The following RBFOX1 variants were observed in gnomAD, a reference collection of about 807,000 sequenced individuals.
RBFOX1 encodes RNA binding fox-1 homolog 1, also known as RNA binding protein fox-1 homolog 1.
A neutral mutation model predicts 57.7 loss-of-function variants in RBFOX1; 8 were observed. The observed-to-expected ratio is 0.14, with a 90% confidence interval of 0.08 to 0.25. The LOEUF (loss-of-function observed/expected upper bound fraction) is 0.25. Ranked by LOEUF, RBFOX1 falls within the 10% of genes least tolerant of loss-of-function variation. RBFOX1 has a pLI of 1.00. For synonymous variants in RBFOX1, 326 were observed against 222.4 expected, an observed-to-expected ratio of 1.47 and a Z score of -4.15; for missense variants, 611 against 548.5, an observed-to-expected ratio of 1.11 and a Z score of -1.14.
intron 2 of RBFOX1, among the ~76,000 whole-genome samples, chr16:6,587,481 C>A (rs138519989): frequency 1.3e-5 from 2 of 152,212 alleles, no homozygotes; most frequent in African/African-American, 4.8e-5. Flanking sequence ...AGGGTTTCAC[C>A]TTGTTGGCCA....
At chr16:5,474,883 A>G (rs988404796) in intron 2 of RBFOX1, among the ~76,000 whole-genome samples, 1 of 152,214 alleles carries the variant, frequency 6.6e-6, no homozygotes, top group South Asian at 2.1e-4. Context: ...AAGGCTATTT[A>G]TTGACTAGCA....
At chr16:6,393,350 T>C (rs2092688849) in intron 2 of RBFOX1, among the ~76,000 whole-genome samples, 1 of 152,182 alleles carries the variant, frequency 6.6e-6, no homozygotes, top group African/African-American at 2.4e-5. Flanking sequence ...CAGTCACCTG[T>C]GGAGCTTAGC....
intron 1 of RBFOX1, among the ~76,000 whole-genome samples, chr16:6,046,036 C>A (rs187808629): frequency 6.6e-6 from 1 of 152,292 alleles, no homozygotes; most frequent in Admixed American, 6.5e-5. Context: ...AGGATAAGGA[C>A]TTTGAGTGCT....
At chr16:6,428,425 A>T (rs1211131374) in intron 2 of RBFOX1, among the ~76,000 whole-genome samples, 3 of 152,166 alleles carry the variant, frequency 2.0e-5, no homozygotes, top group Non-Finnish European at 4.4e-5. Context: ...ATACAAAACT[A>T]ATGTATGTGT....
At chr16:7,518,070 G>A in intron 4 of RBFOX1, 77 bp from the exon 5 acceptor site, 1 of 1,523,468 alleles carries the variant, frequency 6.6e-7, no homozygotes, top group Non-Finnish European at 8.9e-7. Flanking sequence ...CGATCGTCCT[G>A]GGATCTGGGA....
intron 1 of RBFOX1, among the ~76,000 whole-genome samples, chr16:5,297,517 C>G (rs1418794315): frequency 6.6e-6 from 1 of 152,044 alleles, no homozygotes; most frequent in Non-Finnish European, 1.5e-5. Context: ...TTTTTATATA[C>G]CGGTGGGTCA....
chr16:6,292,569 G>A (rs987100486), intron 1 of RBFOX1, among the ~76,000 whole-genome samples: 16 of 150,948 alleles, frequency 1.1e-4, no homozygotes, highest in African/African-American at 3.9e-4. Flanking sequence ...TTTAGATAAC[G>A]TCTAAAGGAA....
chr16:6,078,473 C>G (rs115330943), intron 1 of RBFOX1, among the ~76,000 whole-genome samples: 1 of 152,050 alleles, frequency 6.6e-6, no homozygotes, highest in Non-Finnish European at 1.5e-5. Context: ...ACCTGAGACA[C>G]TTCTTCTTCC....
chr16:7,534,107 A>G (rs1601141508), intron 5 of RBFOX1, among the ~76,000 whole-genome samples: 1 of 120,510 alleles, frequency 8.3e-6, no homozygotes, highest in South Asian at 3.0e-4. Flanking sequence ...TTTTTTGGAC[A>G]TGCAGTTTCA....
intron 3 of RBFOX1, among the ~76,000 whole-genome samples, chr16:6,938,303 C>T (rs1389827847): frequency 2.6e-5 from 4 of 152,024 alleles, no homozygotes; most frequent in Admixed American, 1.3e-4. Context: ...TTGGTATCGT[C>T]ACAAGGAAAG....
intron 4 of RBFOX1, among the ~76,000 whole-genome samples, chr16:5,967,385 A>G (rs1276433200): frequency 2.0e-5 from 3 of 152,146 alleles, no homozygotes; most frequent in South Asian, 2.1e-4. Flanking sequence ...CTGGTTTGAT[A>G]AGATTTCCAG....
At chr16:6,904,775 G>C (rs552334863) in intron 3 of RBFOX1, among the ~76,000 whole-genome samples, 4 of 152,082 alleles carry the variant, frequency 2.6e-5, no homozygotes, top group African/African-American at 9.6e-5. Flanking sequence ...TCACCTGCCC[G>C]GGCTACTTGT....
chr16:5,486,870 GAC>G (rs2042646288), intron 2 of RBFOX1, among the ~76,000 whole-genome samples: 1 of 150,690 alleles, frequency 6.6e-6, no homozygotes, highest in South Asian at 2.1e-4. Context: ...TCCTTTACTT[GAC>G]CTGTGAGACC....
At chr16:7,244,489 T>G (rs557573102) in intron 4 of RBFOX1, among the ~76,000 whole-genome samples, 1 of 152,300 alleles carries the variant, frequency 6.6e-6, no homozygotes, top group African/African-American at 2.4e-5. Flanking sequence ...CATATTCAGT[T>G]TTCTTAAGTA....
At chr16:6,191,996 A>G (rs2097144829) in intron 1 of RBFOX1, among the ~76,000 whole-genome samples, 1 of 152,172 alleles carries the variant, frequency 6.6e-6, no homozygotes, top group Non-Finnish European at 1.5e-5. Flanking sequence ...AACTACATCT[A>G]GTAGATTGAG....
At chr16:6,474,950 A>G (rs2095249831) in intron 2 of RBFOX1, among the ~76,000 whole-genome samples, 1 of 152,226 alleles carries the variant, frequency 6.6e-6, no homozygotes, top group Non-Finnish European at 1.5e-5. Context: ...AGAGTGGAAT[A>G]CATAAACTGA....
At chr16:7,525,965 C>T (rs2078610056) in intron 5 of RBFOX1, among the ~76,000 whole-genome samples, 1 of 152,124 alleles carries the variant, frequency 6.6e-6, no homozygotes, top group South Asian at 2.1e-4. Flanking sequence ...ACTCCCAGGC[C>T]ACAGATCAGT....
At chr16:6,137,662 A>G (rs1444052961) in intron 1 of RBFOX1, among the ~76,000 whole-genome samples, 1 of 135,470 alleles carries the variant, frequency 7.4e-6, no homozygotes, top group Non-Finnish European at 1.5e-5. Flanking sequence ...TGCCCAGACT[A>G]GAGTGAAGTG....
intron 2 of RBFOX1, among the ~76,000 whole-genome samples, chr16:5,518,267 G>A (rs975535043): frequency 6.6e-6 from 1 of 152,156 alleles, no homozygotes; most frequent in Admixed American, 6.5e-5. Flanking sequence ...CTGCTGGAGT[G>A]TGGGTTCTTC....
Sources: gnomAD v4.1 joint callset for allele counts (sites outside exome capture counted in the v4.1 genomes callset) on GRCh38, gnomAD v4.1.1 for gene constraint, MANE v1.5 for transcripts, NCBI Gene and HGNC (gene_info 2026-07-23, HGNC 2026-07-21) for gene names.